The following PRCP variants were observed in gnomAD, a reference collection of about 807,000 sequenced individuals.
PRCP encodes the protein prolylcarboxypeptidase.
Under a neutral mutation model 54.2 loss-of-function variants are expected in PRCP, and 46 were observed. The ratio of observed to expected loss-of-function variants is 0.85; its 90% CI spans 0.67 to 1.09. PRCP has a LOEUF of 1.09. Among genes scored for constraint, PRCP ranks in the 50% least tolerant of loss-of-function variants. The pLI is 0.00. For synonymous variants in PRCP, 240 were observed against 212.2 expected, an observed-to-expected ratio of 1.13 and a Z score of -1.14; for missense variants, 613 against 596.8, an observed-to-expected ratio of 1.03 and a Z score of -0.28.
At chr11:82,851,151 A>T (rs1464786116) in intron 3 of PRCP, among the ~76,000 whole-genome samples, 1 of 152,220 alleles carries the variant, frequency 6.6e-6, no homozygotes, top group Non-Finnish European at 1.5e-5. Context: ...CTACTGCAGA[A>T]GGTGAAGCCC....
intron 1 of PRCP, among the ~76,000 whole-genome samples, chr11:82,889,126 TGGAA>T (rs71063239): frequency 0.27 from 40,364 of 151,382 alleles, 5,530 homozygotes; most frequent in Admixed American, 0.32. Flanking sequence ...GAGGTACAGG[TGGAA>T]GGAAAGATCA....
chr11:82,829,118 C>A (rs967172891), intron 8 of PRCP: 1 of 152,208 alleles, frequency 6.6e-6, no homozygotes, highest in Non-Finnish European at 1.5e-5. Context: ...TTTAACTGAT[C>A]TTCCTGCCTC....
At chr11:82,900,631 A>T, upstream of PRCP, 1 of 686,282 alleles carries the variant, frequency 1.5e-6, no homozygotes, top group South Asian at 1.5e-5. Context: ...CTCTCGTGCC[A>T]TCTGCTCCTT....
chr11:82,889,800 G>T (rs942348871), intron 1 of PRCP, among the ~76,000 whole-genome samples: 1 of 152,168 alleles, frequency 6.6e-6, no homozygotes, highest in African/African-American at 2.4e-5. Context: ...AATGCTACAG[G>T]ATTTTGTTCT....
At chr11:82,885,327 A>G (rs182974070) in intron 1 of PRCP, among the ~76,000 whole-genome samples, 103 of 152,266 alleles carry the variant, frequency 6.8e-4, no homozygotes, top group African/African-American at 2.4e-3. Flanking sequence ...AGTGCTTTGG[A>G]TATTTTATTT....
chr11:82,853,757 T>A (rs959321039), intron 2 of PRCP, among the ~76,000 whole-genome samples: 1 of 152,058 alleles, frequency 6.6e-6, no homozygotes, highest in African/African-American at 2.4e-5. Context: ...CAAAAACCCT[T>A]AACAAAGCTA....
At chr11:82,860,797 A>G (rs1324153194) in intron 1 of PRCP, among the ~76,000 whole-genome samples, 1 of 152,142 alleles carries the variant, frequency 6.6e-6, no homozygotes, top group Non-Finnish European at 1.5e-5. Context: ...TTTCATGTCT[A>G]TATCATTCCC....
At chr11:82,869,355 C>CA (rs36024787) in intron 1 of PRCP, among the ~76,000 whole-genome samples, 32,590 of 80,028 alleles carry the variant, frequency 0.41, 4,437 homozygotes, top group Admixed American at 0.45. Context: ...GACTCCATCT[C>CA]AAAAAAAAAA....
chr11:82,839,569 G>A (rs773339730), intron 6 of PRCP, 144 bp from the exon 7 acceptor site: 4 of 853,450 alleles, frequency 4.7e-6, no homozygotes, highest in Non-Finnish European at 5.3e-6. Flanking sequence ...TTCTCTCTTG[G>A]GTTTAATCCC....
upstream of PRCP, chr11:82,900,943 T>C: frequency 2.3e-6 from 1 of 444,058 alleles, no homozygotes; most frequent in South Asian, 1.6e-5. Context: ...ACACGCATCA[T>C]CTCCTCTAAC....
chr11:82,899,704 T>TG (rs1228586731), intron 1 of PRCP, among the ~76,000 whole-genome samples: 1 of 152,004 alleles, frequency 6.6e-6, no homozygotes, highest in Non-Finnish European at 1.5e-5. Context: ...TTCAGTCTTA[T>TG]GGGGAATAGG....
At chr11:82,865,048 C>A (rs980807505) in intron 1 of PRCP, among the ~76,000 whole-genome samples, 4 of 152,174 alleles carry the variant, frequency 2.6e-5, no homozygotes, top group Non-Finnish European at 5.9e-5. Flanking sequence ...TTGCTCTACA[C>A]AGATCCCTTC....
chr11:82,856,905 A>G (rs780144036), intron 2 of PRCP, among the ~76,000 whole-genome samples: 4 of 151,922 alleles, frequency 2.6e-5, no homozygotes, highest in East Asian at 1.9e-4. Context: ...GCGTGGTGGC[A>G]GGCGCCTGTA....
chr11:82,826,404 G>A (rs1388030897), intron 8 of PRCP: 1 of 151,994 alleles, frequency 6.6e-6, no homozygotes, highest in Non-Finnish European at 1.5e-5. Context: ...CCACTTTTTG[G>A]CTAATGAGTA....
At chr11:82,836,195 G>GAAAAAAAAAAAAAAAAA (rs767035852) in intron 8 of PRCP, 1 of 79,468 alleles carries the variant, frequency 1.3e-5, no homozygotes, top group African/African-American at 5.4e-5. Context: ...TCCATCTCGA[G>GAAAAAAAAAAAAAAAAA]GAAAAAAAAA....
intron 8 of PRCP, among the ~76,000 whole-genome samples, chr11:82,832,010 T>C (rs1858397782): frequency 6.6e-6 from 1 of 152,180 alleles, no homozygotes; most frequent in Non-Finnish European, 1.5e-5. Flanking sequence ...AGAATGATGG[T>C]TTCCAGCTTC....
chr11:82,900,693 G>A, upstream of PRCP: 1 of 581,936 alleles, frequency 1.7e-6, no homozygotes, highest in South Asian at 1.5e-5. Flanking sequence ...ATCATGCTAG[G>A]GCCTCTTCCT....
intron 1 of PRCP, among the ~76,000 whole-genome samples, chr11:82,880,100 G>T (rs1406743282): frequency 6.6e-6 from 1 of 152,230 alleles, no homozygotes; most frequent in Admixed American, 6.5e-5. Flanking sequence ...AGAAGTTTCT[G>T]CTGCCTTTTG....
At chr11:82,838,661 G>A in intron 7 of PRCP, 87 bp from the exon 8 acceptor site, 3 of 1,351,460 alleles carry the variant, frequency 2.2e-6, no homozygotes, top group Non-Finnish European at 1.0e-6. Context: ...ATGCTGGTAA[G>A]TAGTGAAGGC....
Sources: gnomAD v4.1 joint callset for allele counts (sites outside exome capture counted in the v4.1 genomes callset) on GRCh38, gnomAD v4.1.1 for gene constraint, MANE v1.5 for transcripts, NCBI Gene and HGNC (gene_info 2026-07-23, HGNC 2026-07-21) for gene names.